The following ZFP90 variants were observed in gnomAD, a reference collection of about 807,000 sequenced individuals.
The protein encoded by ZFP90 is zinc finger protein 90 homolog.
A neutral mutation model predicts 60.8 loss-of-function variants in ZFP90; 38 were observed. The observed-to-expected ratio is 0.62, with a 90% CI of 0.48 to 0.82. The LOEUF (loss-of-function observed/expected upper bound fraction) is 0.82. Among genes scored for constraint, ZFP90 ranks in the 40% least tolerant of loss-of-function variants. The pLI is 0.00. For synonymous variants in ZFP90, 287 were observed against 264.8 expected, an observed-to-expected ratio of 1.08 and a Z score of -0.82; for missense variants, 711 against 759.1, an observed-to-expected ratio of 0.94 and a Z score of 0.74.
At chr16:68,534,205 A>AT (rs1206224376) in intron 2 of ZFP90, among the ~76,000 whole-genome samples, 1 of 134,788 alleles carries the variant, frequency 7.4e-6, no homozygotes, top group Non-Finnish European at 1.6e-5. Flanking sequence ...TGTGCATTAC[A>AT]TTTTTAACTT....
chr16:68,553,589 CAG>C (rs889929805), intron 2 of ZFP90, among the ~76,000 whole-genome samples: 2 of 152,082 alleles, frequency 1.3e-5, no homozygotes, highest in African/African-American at 2.4e-5. Flanking sequence ...GGCCTTGAAA[CAG>C]AGGTGACTTG....
chr16:68,569,135 A>AATT (rs2091553917), downstream of ZFP90, among the ~76,000 whole-genome samples: 1 of 67,520 alleles, frequency 1.5e-5, no homozygotes, highest in African/African-American at 5.4e-5. Flanking sequence ...AATTAGTCCC[A>AATT]CTTTTTTTTT....
chr16:68,561,393 G>T (rs1369721105), intron 4 of ZFP90, among the ~76,000 whole-genome samples: 1 of 152,018 alleles, frequency 6.6e-6, no homozygotes, highest in Non-Finnish European at 1.5e-5. Flanking sequence ...TTCCTCATTA[G>T]GCAATATATT....
At position 68,565,857 on chromosome 16, in the gene ZFP90, T is replaced by C. The variant is rs2091518371; in HGVS notation, c.*1159T>C. 1.0e-6 allele frequency: 1 copy of C among 984,594 alleles called. No homozygotes were observed. Among genetic ancestry groups the C allele is most frequent in the Non-Finnish European group, 1.2e-6 (1 of 829,444 alleles). 61.0% of individuals were successfully genotyped at this position (984,594 alleles called of 1,614,324 possible). ...AAAATTAACTTGGCTAGGTATGGTG[T>C]CTCACACCTGTAATCCCAGCACTTT... On this transcript the variant is annotated 3_prime_UTR_variant, in exon 5 of 5. Transcript: ENST00000563169.
At chr16:68,538,157 C>T (rs1017004894), upstream of ZFP90, among the ~76,000 whole-genome samples, 14 of 152,136 alleles carry the variant, frequency 9.2e-5, no homozygotes, top group African/African-American at 3.1e-4. Flanking sequence ...GGTGATCCGC[C>T]AGCCTCAGCC....
chr16:68,551,237 C>G (rs1345191845), intron 2 of ZFP90, among the ~76,000 whole-genome samples: 1 of 152,022 alleles, frequency 6.6e-6, no homozygotes, highest in East Asian at 1.9e-4. Context: ...AATTGGATCT[C>G]CAGGAGGTGT....
chr16:68,570,762 T>A (rs2091563565), downstream of ZFP90, among the ~76,000 whole-genome samples: 1 of 152,248 alleles, frequency 6.6e-6, no homozygotes, highest in African/African-American at 2.4e-5. Flanking sequence ...TTTGATACAT[T>A]AGTTGATCAC....
At chr16:68,571,956 G>A (rs929228637), downstream of ZFP90, among the ~76,000 whole-genome samples, 6 of 152,138 alleles carry the variant, frequency 3.9e-5, no homozygotes, top group African/African-American at 1.4e-4. Flanking sequence ...GTTGGTGGAA[G>A]GATATTACTA....
intron 2 of ZFP90, among the ~76,000 whole-genome samples, chr16:68,548,772 G>A (rs2091201700): frequency 6.6e-6 from 1 of 152,192 alleles, no homozygotes; most frequent in Non-Finnish European, 1.5e-5. Flanking sequence ...TTACAGGCAT[G>A]AGCCACTGTG....
chr16:68,539,502 C>A, intron 1 of ZFP90, 23 bp downstream of exon 1: 1 of 471,188 alleles, frequency 2.1e-6, no homozygotes. Context: ...GGGCGGGACC[C>A]CTCCTGGGTT....
upstream of ZFP90, among the ~76,000 whole-genome samples, chr16:68,536,441 G>A (rs1488943542): frequency 2.6e-5 from 4 of 152,056 alleles, no homozygotes; most frequent in Admixed American, 2.6e-4. Flanking sequence ...CCAGTAGTTG[G>A]GGACTACCGG....
At chr16:68,542,295 A>T (rs1016130273) in intron 2 of ZFP90, among the ~76,000 whole-genome samples, 1 of 152,170 alleles carries the variant, frequency 6.6e-6, no homozygotes, top group East Asian at 1.9e-4. Flanking sequence ...ACCTTTGAAT[A>T]GGAGCAGAGT....
At chr16:68,542,425 C>T (rs777176950) in intron 2 of ZFP90, among the ~76,000 whole-genome samples, 1 of 151,952 alleles carries the variant, frequency 6.6e-6, no homozygotes, top group South Asian at 2.1e-4. Context: ...ACCCTGTTTC[C>T]ACTAAAAATA....
intron 2 of ZFP90, among the ~76,000 whole-genome samples, chr16:68,542,744 TAGA>T (rs771973743): frequency 5.3e-5 from 8 of 152,180 alleles, no homozygotes; most frequent in Admixed American, 2.6e-4. Context: ...TAGAGGAGAA[TAGA>T]AGGAGTTTGG....
At chr16:68,575,999 C>A in exon 3 of ZFP90, 1 of 384,116 alleles carries the variant, frequency 2.6e-6, no homozygotes, top group Non-Finnish European at 4.6e-6. Flanking sequence ...TTCCAGCAAG[C>A]AGCAAATGTT....
chr16:68,544,338 G>A (rs910676252), intron 2 of ZFP90, among the ~76,000 whole-genome samples: 2 of 152,186 alleles, frequency 1.3e-5, no homozygotes, highest in Admixed American at 6.5e-5. Context: ...CTTAAGCTCA[G>A]GAGTTTGAGG....
intron 2 of ZFP90, among the ~76,000 whole-genome samples, chr16:68,546,633 C>G (rs1255382798): frequency 6.6e-6 from 1 of 152,146 alleles, no homozygotes; most frequent in East Asian, 1.9e-4. Context: ...CTGTCTCAGC[C>G]TCCTGAGAAC....
chr16:68,568,708 T>C (rs1164827782), downstream of ZFP90, among the ~76,000 whole-genome samples: 1 of 152,176 alleles, frequency 6.6e-6, no homozygotes, highest in Non-Finnish European at 1.5e-5. Flanking sequence ...AGACAGGGTC[T>C]TGCCTTGTCA....
chr16:68,541,280 C>T (rs1261259823), intron 2 of ZFP90, among the ~76,000 whole-genome samples: 2 of 152,030 alleles, frequency 1.3e-5, no homozygotes, highest in Non-Finnish European at 1.5e-5. Flanking sequence ...TCAATTGATC[C>T]GCCCACGTTG....
Sources: gnomAD v4.1 joint callset for allele counts (sites outside exome capture counted in the v4.1 genomes callset) on GRCh38, gnomAD v4.1.1 for gene constraint, MANE v1.5 for transcripts, NCBI Gene and HGNC (gene_info 2026-07-23, HGNC 2026-07-21) for gene names.